RLF: variants seen among roughly 807,000 people sequenced by gnomAD.
The protein encoded by RLF is RLF zinc finger, also known as zinc finger protein Rlf.
In RLF, 7 loss-of-function variants were observed where a neutral mutation model predicts 162.9. The ratio of observed to expected loss-of-function variants is 0.04; its 90% CI spans 0.02 to 0.08. The LOEUF (loss-of-function observed/expected upper bound fraction) is 0.08. Among genes scored for constraint, RLF ranks in the 10% least tolerant of loss-of-function variants. The probability of loss-of-function intolerance (pLI) is 1.00; values close to 1 mark genes in which losing one functional copy is unlikely to be tolerated. For missense variants in RLF, 1,664 were observed against 2,244.7 expected (o/e 0.74, Z 5.23); for synonymous variants, 782 against 791.5 (o/e 0.99, Z 0.20).
At chr1:40,179,439 G>T (rs1642377846) in intron 1 of RLF, among the ~76,000 whole-genome samples, 1 of 152,050 alleles carries the variant, frequency 6.6e-6, no homozygotes, top group Admixed American at 6.6e-5. Context: ...AGGATGGTTT[G>T]AATTTATCCT....
chr1:40,238,366 A>G lies in RLF; in HGVS notation c.3664A>G (p.Arg1222Gly). 6.2e-7 allele frequency: 1 copy of G among 1,614,210 alleles called. No individual in the cohort carries two copies. The highest frequency in any genetic ancestry group is 1.1e-5 in the South Asian group (1 of 91,086). The change falls in exon 8 of 8, where the codon AGG (arginine) becomes GGG (glycine). Residue 1222 changes from arginine to glycine, a missense_variant. Arg to Gly is a moderately radical substitution (Grantham distance 125). This residue lies in a region of RLF where 102 missense variants were observed against 109.5 expected (regional missense o/e 0.93). Coordinates refer to ENST00000372771, the MANE Select transcript of RLF (RefSeq NM_012421.4). This position sits in a 1 kb window ranked among gnomAD's most constrained non-coding sequence, Gnocchi z 5.2. ...TCATGAAGGCCCATGTTCAGTAGAT[A>G]GGTTGAAAGGTGATTGTTCTGCAGA... ...CDHEGPCSVD[R>G]LKGDCSAELG...
chr1:40,224,042 G>A (rs995850907), intron 6 of RLF, among the ~76,000 whole-genome samples: 7 of 152,134 alleles, frequency 4.6e-5, no homozygotes, highest in African/African-American at 1.7e-4. Context: ...TTTTCAGTAC[G>A]AATAATAAAT....
At chr1:40,215,432 A>G (rs566131631) in intron 5 of RLF, among the ~76,000 whole-genome samples, 38 of 152,350 alleles carry the variant, frequency 2.5e-4, no homozygotes, top group African/African-American at 8.2e-4. Context: ...TACATAAAGT[A>G]TGTTCTCTAA....
intron 5 of RLF, among the ~76,000 whole-genome samples, chr1:40,217,728 C>T (rs552449131): frequency 6.6e-6 from 1 of 151,134 alleles, no homozygotes; most frequent in Admixed American, 6.6e-5. Context: ...CCCGAGATTG[C>T]GCCACTGCAC....
chr1:40,239,600 G>C lies in RLF; in HGVS notation c.4898G>C (p.Ser1633Thr). 1.2e-6 allele frequency: 2 copies of C among 1,614,150 alleles called. No homozygotes were observed. The highest frequency in any genetic ancestry group is 1.7e-6 in the Non-Finnish European group (2 of 1,180,008). The change falls in exon 8 of 8, where the codon AGT (serine) becomes ACT (threonine). Residue 1633 changes from serine (S) to threonine (T), a missense_variant. Coordinates refer to ENST00000372771, the MANE Select transcript of RLF (RefSeq NM_012421.4). ...CACAGCCATTCCCCGGGTGACAGTA[G>C]TGCACCCATCCAGAACACTGATTGC... ...TEHSHSPGDSSAPIQNTDCCH... is the reference protein window; with the variant it reads ...TEHSHSPGDSTAPIQNTDCCH...
At position 40,202,449 on chromosome 1, in the gene RLF, G is replaced by T; in HGVS notation, c.645G>T (p.Leu215=). 6.3e-7 allele frequency: 1 copy of T among 1,578,746 alleles called. No homozygotes were observed. Among genetic ancestry groups the T allele is most frequent in the Admixed American group, 2.0e-5 (1 of 49,660 alleles). ...TTGCACAAGAAGGACCTTCCTTTCT[G>T]CAAATGCGAATAAAACATTTGTTGA... ...KLIAQEGPSF[L]QMRIKHLLKS... Residue 215 remains leucine, a synonymous_variant, in exon 5 of 8, where the codon CTG becomes CTT. Transcript: ENST00000372771.
At chr1:40,230,312 G>A (rs754272092) in intron 6 of RLF, among the ~76,000 whole-genome samples, 1 of 152,002 alleles carries the variant, frequency 6.6e-6, no homozygotes, top group Non-Finnish European at 1.5e-5. Flanking sequence ...TTTTTAAATT[G>A]GCTTATGAAA....
In RLF at chr1:40,237,625, T is replaced by C. The variant is rs767641688; in HGVS notation, c.2923T>C (p.Leu975=). Reference sequence around the variant, plus strand: ...AAATGCAAGAGGAATGCAGAAACATTTACGGAAGGTTCATCCATACCATTT... The same window carrying C: ...AAATGCAAGAGGAATGCAGAAACATCTACGGAAGGTTCATCCATACCATTT... ...YKNARGMQKH[L]RKVHPYHFKP... The change falls in exon 8 of 8, where the codon TTA becomes CTA. Residue 975 remains leucine (L), a synonymous_variant. Coordinates refer to ENST00000372771, the MANE Select transcript of RLF (RefSeq NM_012421.4). This position sits in a 1 kb window ranked among gnomAD's most constrained non-coding sequence, Gnocchi z 4.4. 3 of 1,614,106 alleles carry C rather than the reference T, an allele frequency of 1.9e-6. No individual in the cohort carries two copies. The South Asian group carries it at 3.3e-5, about 18-fold the overall frequency.
At position 40,233,094 on chromosome 1, in the gene RLF, C is replaced by CAA. The variant is rs778637305; in HGVS notation, c.1089+1451_1089+1452dup. 5.5e-3 allele frequency among the ~76,000 whole-genome samples: 424 copies of CAA among 77,378 alleles called. 4 individuals carry two copies. The highest frequency in any genetic ancestry group is 0.016 in the African/African-American group (395 of 25,470). The allele number at this position is 77,378 out of a possible 152,430, so 50.8% of individuals were successfully genotyped here. A position where few individuals can be genotyped will look rare whatever the true frequency, so the allele number is the denominator to read the frequency against. ...TGGGCGACAGAGTGAGACTCTGTCTCAAAAAAAAAAAAAAAAGCAAAGATT... is the reference window on the plus strand; with the variant it reads ...TGGGCGACAGAGTGAGACTCTGTCTCAAAAAAAAAAAAAAAAAAGCAAAGATT... On this transcript the variant is annotated intron_variant, in intron 7 of 7. Coordinates refer to ENST00000372771, the MANE Select transcript of RLF (RefSeq NM_012421.4).
In RLF at chr1:40,177,528, C is replaced by T. The variant is rs956596062; in HGVS notation, c.238-11527C>T. On this transcript the variant is annotated intron_variant, in intron 1 of 7. Coordinates refer to ENST00000372771, the MANE Select transcript of RLF (RefSeq NM_012421.4). ...CAGGATGGGGTCTATCTCCTGACCT[C>T]GTGATCTGCCCGCCCCCACCTCCCA... Among the ~76,000 whole-genome samples the T allele has an allele frequency of 3.4e-4, 51 of 151,884 alleles. 2 individuals are homozygous for T. The highest frequency in any genetic ancestry group is 1.2e-3 in the African/African-American group (50 of 41,404).
chr1:40,208,672 G>A (rs1642827793), intron 5 of RLF, among the ~76,000 whole-genome samples: 1 of 134,118 alleles, frequency 7.5e-6, no homozygotes. Context: ...GCAGAACTTA[G>A]CTGGGCGTGG....
chr1:40,184,675 G>T (rs574322042), intron 1 of RLF, among the ~76,000 whole-genome samples: 104 of 152,264 alleles, frequency 6.8e-4, no homozygotes, highest in African/African-American at 2.4e-3. Context: ...TGAGAGCACC[G>T]AATAGTCAAA....
chr1:40,231,821 ATAAT>A (rs1414426344), intron 7 of RLF, among the ~76,000 whole-genome samples, 163 bp downstream of exon 7: 5 of 152,218 alleles, frequency 3.3e-5, no homozygotes, highest in Non-Finnish European at 1.5e-5. Context: ...TTGACTTCCT[ATAAT>A]TAATCAGAAA....
intron 1 of RLF, among the ~76,000 whole-genome samples, chr1:40,185,394 T>C (rs1642461251): frequency 6.8e-6 from 1 of 147,954 alleles, no homozygotes; most frequent in Admixed American, 6.7e-5. Flanking sequence ...CCTCCCAAAG[T>C]GCTGGGATTA....
At position 40,237,797 on chromosome 1, in the gene RLF, A is replaced by G. The variant is rs773096835; in HGVS notation, c.3095A>G (p.His1032Arg). The change falls in exon 8 of 8, where the codon CAC (histidine) becomes CGC (arginine). Residue 1032 changes from histidine (H) to arginine (R), a missense_variant. By Grantham distance (29) the His-to-Arg change is conservative. Coordinates refer to ENST00000372771, the MANE Select transcript of RLF (RefSeq NM_012421.4). The surrounding 1 kb of genome is among the most constrained non-coding windows in gnomAD (Gnocchi z 4.4). Reference sequence around the variant, plus strand: ...GATGAAGGTCTAGATCACAATATTCACATTAAATGTAAACGAGAACATCAA... The same window carrying G: ...GATGAAGGTCTAGATCACAATATTCGCATTAAATGTAAACGAGAACATCAA... ...SPDEGLDHNI[H>R]IKCKREHQGY... is the part of the protein sequence containing the mutation. 6.2e-7 allele frequency: 1 copy of G among 1,614,164 alleles called. No homozygotes were observed. Among genetic ancestry groups the G allele is most frequent in the Admixed American group, 1.7e-5 (1 of 60,020 alleles).
At chr1:40,211,994 T>C (rs1462476944) in intron 5 of RLF, among the ~76,000 whole-genome samples, 1 of 152,232 alleles carries the variant, frequency 6.6e-6, no homozygotes, top group East Asian at 1.9e-4. Flanking sequence ...AAAAATAATC[T>C]GTAGTTTGCT....
At chr1:40,230,351 T>C (rs1371723731) in intron 6 of RLF, among the ~76,000 whole-genome samples, 1 of 152,242 alleles carries the variant, frequency 6.6e-6, no homozygotes, top group African/African-American at 2.4e-5. Context: ...GAAAATTATT[T>C]AATCAGTATC....
intron 6 of RLF, among the ~76,000 whole-genome samples, chr1:40,227,177 T>C (rs1643089207): frequency 6.6e-6 from 1 of 152,196 alleles, no homozygotes; most frequent in South Asian, 2.1e-4. Context: ...CAAAATGTGC[T>C]TCTTGCTGTT....
Position 40,237,113 on chromosome 1 carries a change from A to G in RLF, c.2411A>G (p.Asn804Ser), listed in dbSNP as rs1643226312. ...QHFRDASYTC[N>S]FLGCKKFYYS... is the part of the protein sequence containing the mutation. ...TTTAGGGATGCATCTTACACATGCAACTTCCTTGGCTGTAAAAAGTTCTAT... is the reference window on the plus strand; with the variant it reads ...TTTAGGGATGCATCTTACACATGCAGCTTCCTTGGCTGTAAAAAGTTCTAT... The change falls in exon 8 of 8, where the codon AAC (asparagine) becomes AGC (serine). Residue 804 changes from asparagine (N) to serine (S), a missense_variant. Transcript: ENST00000372771. The surrounding 1 kb of genome is among the most constrained non-coding windows in gnomAD (Gnocchi z 4.4). The G allele has an allele frequency of 1.2e-6, 2 of 1,613,994 alleles. No individual in the cohort carries two copies. Among genetic ancestry groups the G allele is most frequent in the Non-Finnish European group, 1.7e-6 (2 of 1,179,976 alleles).
Sources: gnomAD v4.1 joint callset for allele counts (sites outside exome capture counted in the v4.1 genomes callset) on GRCh38, gnomAD v4.1.1 for gene constraint, gnomAD v4.1.1 regional missense constraint, Gnocchi (gnomAD v3.1) non-coding constraint, MANE v1.5 for transcripts, NCBI Gene and HGNC (gene_info 2026-07-23, HGNC 2026-07-21) for gene names.